Variants in PRKAG2 observed in about 807,000 individuals in gnomAD.
PRKAG2 encodes protein kinase AMP-activated non-catalytic subunit gamma 2, also known as 5'-AMP-activated protein kinase subunit gamma-2.
In PRKAG2, 26 loss-of-function variants were observed where a neutral mutation model predicts 69.6. That is an observed-to-expected ratio of 0.37 (90% CI 0.27 to 0.52). The LOEUF is 0.52. PRKAG2 is among the 20% of genes least tolerant of loss of function. PRKAG2 has a pLI of 0.90. For missense variants in PRKAG2, 557 were observed against 740.0 expected (o/e 0.75, Z 2.87); for synonymous variants, 293 against 285.0 (o/e 1.03, Z -0.28).
At chr7:151,576,657 T>C (rs1038475901) in intron 6 of PRKAG2, among the ~76,000 whole-genome samples, 1 of 152,144 alleles carries the variant, frequency 6.6e-6, no homozygotes, top group Non-Finnish European at 1.5e-5. Flanking sequence ...TGTGCCACCA[T>C]GCCCGGCTAA....
At chr7:151,560,149 T>C (rs930452735) in intron 15 of PRKAG2, 4 of 985,390 alleles carry the variant, frequency 4.1e-6, no homozygotes, top group East Asian at 1.1e-4. Context: ...TAAGGAAAGA[T>C]GAAGGTATCA....
chr7:151,757,027 G>A (rs746425461), intron 3 of PRKAG2, among the ~76,000 whole-genome samples: 10 of 152,042 alleles, frequency 6.6e-5, no homozygotes, highest in Non-Finnish European at 1.2e-4. Context: ...CTGACCCCCC[G>A]GTTTTTGGTC....
intron 1 of PRKAG2, among the ~76,000 whole-genome samples, chr7:151,862,775 C>T (rs2079964069): frequency 6.6e-6 from 1 of 151,852 alleles, no homozygotes; most frequent in Non-Finnish European, 1.5e-5. Flanking sequence ...GGTAGGTCCC[C>T]AAGTGCAGGG....
At position 151,638,379 on chromosome 7, in the gene PRKAG2, A is replaced by T. The variant is rs958426198; in HGVS notation, c.685-6241T>A. ...TCCCGGCATGGTGGCTCATGCCTGTAATCCCAGCACTTTGGGAGGCCGAGG... is the reference window on the plus strand; with the variant it reads ...TCCCGGCATGGTGGCTCATGCCTGTTATCCCAGCACTTTGGGAGGCCGAGG... On this transcript the variant is annotated intron_variant, in intron 4 of 15. Transcript: ENST00000287878. The surrounding 1 kb of genome is among the most constrained non-coding windows in gnomAD (Gnocchi z 4.3). Among the ~76,000 whole-genome samples, 7 of 152,306 alleles carry T rather than the reference A, an allele frequency of 4.6e-5. No homozygotes were observed. Among genetic ancestry groups the T allele is most frequent in the African/African-American group, 1.7e-4 (7 of 41,560 alleles).
chr7:151,690,832 T>C (rs1835548652), intron 3 of PRKAG2, among the ~76,000 whole-genome samples: 1 of 152,200 alleles, frequency 6.6e-6, no homozygotes, highest in African/African-American at 2.4e-5. Context: ...TATCAAATGA[T>C]AGAGTGCTGG....
chr7:151,866,878 C>T (rs867895898), intron 1 of PRKAG2, among the ~76,000 whole-genome samples: 4 of 150,340 alleles, frequency 2.7e-5, no homozygotes, highest in Admixed American at 1.3e-4. Context: ...ACCTCTGCAC[C>T]CCTGGCCCCA....
chr7:151,870,783 G>A (rs2080202836), intron 1 of PRKAG2, among the ~76,000 whole-genome samples: 1 of 152,256 alleles, frequency 6.6e-6, no homozygotes, highest in Admixed American at 6.5e-5. Context: ...GCAGCGCGGG[G>A]CTTCCCTTGA....
chr7:151,636,308 C>T (rs1825731813), intron 4 of PRKAG2, among the ~76,000 whole-genome samples: 1 of 152,290 alleles, frequency 6.6e-6, no homozygotes, highest in South Asian at 2.1e-4. Context: ...TTAGCAGTCA[C>T]GTCCCATTAC....
chr7:151,815,105 G>A (rs995542073), intron 1 of PRKAG2, among the ~76,000 whole-genome samples: 2 of 152,142 alleles, frequency 1.3e-5, no homozygotes, highest in African/African-American at 4.8e-5. Flanking sequence ...AAGATTGTGG[G>A]GGTTTTTTTC....
intron 1 of PRKAG2, among the ~76,000 whole-genome samples, chr7:151,830,956 C>T (rs1465148479): frequency 1.3e-5 from 2 of 151,662 alleles, no homozygotes; most frequent in Non-Finnish European, 2.9e-5. Context: ...GAAAGATTCA[C>T]GAATGACCAA....
At chr7:151,568,904 T>C in intron 10 of PRKAG2, 62 bp from the exon 11 acceptor site, 1 of 1,578,716 alleles carries the variant, frequency 6.3e-7, no homozygotes, top group Non-Finnish European at 8.7e-7. Flanking sequence ...CACTTTGGAC[T>C]ACCCCTGCCT....
chr7:151,669,146 A>T (rs1367901833), intron 4 of PRKAG2, among the ~76,000 whole-genome samples: 1 of 151,864 alleles, frequency 6.6e-6, no homozygotes, highest in Non-Finnish European at 1.5e-5. Context: ...CCCTGCACTC[A>T]CTCTTTCCCC....
At chr7:151,665,262 A>G (rs1158060480) in intron 4 of PRKAG2, among the ~76,000 whole-genome samples, 3 of 152,142 alleles carry the variant, frequency 2.0e-5, no homozygotes, top group Non-Finnish European at 4.4e-5. Context: ...GAGTCCCCTC[A>G]TGGGTCCCTG....
intron 3 of PRKAG2, among the ~76,000 whole-genome samples, chr7:151,774,535 A>T (rs948220643): frequency 6.6e-6 from 1 of 152,170 alleles, no homozygotes; most frequent in African/African-American, 2.4e-5. Flanking sequence ...GGCCAGGCAC[A>T]GTGGCTCACA....
intron 3 of PRKAG2, chr7:151,736,241 G>T: frequency 7.4e-7 from 1 of 1,359,358 alleles, no homozygotes; most frequent in Non-Finnish European, 9.5e-7. Flanking sequence ...CCGTCCTGAC[G>T]GGGCTGCACC....
chr7:151,855,513 G>GCCA (rs2079743751), intron 1 of PRKAG2, among the ~76,000 whole-genome samples: 1 of 22,204 alleles, frequency 4.5e-5, no homozygotes. Flanking sequence ...CACACACACC[G>GCCA]CCCTCCACAC....
In PRKAG2 at chr7:151,751,225, G is replaced by A. The variant is rs371153102; in HGVS notation, c.466+29927C>T. On this transcript the variant is annotated intron_variant, in intron 3 of 15. Transcript: ENST00000287878. ...CTATTCTCCTGCCTCAGCCTCCCAA[G>A]TAGCTGGGACTACAGGTGCCCGCCA... 1.3e-5 allele frequency among the ~76,000 whole-genome samples: 2 copies of A among 150,920 alleles called. 1 individual carries two copies. The highest frequency in any genetic ancestry group is 4.9e-5 in the African/African-American group (2 of 41,110).
At chr7:151,569,778 C>A (rs894540039) in intron 10 of PRKAG2, among the ~76,000 whole-genome samples, 1 of 152,154 alleles carries the variant, frequency 6.6e-6, no homozygotes, top group Non-Finnish European at 1.5e-5. Context: ...TCTGAACCGA[C>A]ATCTAACACA....
intron 14 of PRKAG2, among the ~76,000 whole-genome samples, chr7:151,562,048 C>G (rs1187388163): frequency 6.6e-6 from 1 of 151,524 alleles, no homozygotes; most frequent in Non-Finnish European, 1.5e-5. Flanking sequence ...TGCTCGAGAC[C>G]AGCCTGACCA....
Sources: gnomAD v4.1 joint callset for allele counts (sites outside exome capture counted in the v4.1 genomes callset) on GRCh38, gnomAD v4.1.1 for gene constraint, Gnocchi (gnomAD v3.1) non-coding constraint, MANE v1.5 for transcripts, NCBI Gene and HGNC (gene_info 2026-07-23, HGNC 2026-07-21) for gene names.